Variants in WFDC10B observed in about 807,000 individuals in gnomAD.
The protein encoded by WFDC10B is protein WFDC10B.
In WFDC10B, 1 loss-of-function variant was observed where a neutral mutation model predicts 2.7. The observed-to-expected ratio is 0.38, with a 90% CI of 0.13 to 1.79. The LOEUF (loss-of-function observed/expected upper bound fraction) is 1.79. WFDC10B is among the 40% of genes most tolerant of loss of function. The probability of loss-of-function intolerance (pLI) is 0.33; values close to 1 mark genes in which losing one functional copy is unlikely to be tolerated. For synonymous variants in WFDC10B, 26 were observed against 32.2 expected, an observed-to-expected ratio of 0.81 and a Z score of 0.65; for missense variants, 71 against 87.8, an observed-to-expected ratio of 0.81 and a Z score of 0.76.
At chr20:45,704,377 T>G in intron 2 of WFDC10B, 120 bp downstream of exon 2, 2 of 1,542,832 alleles carry the variant, frequency 1.3e-6, no homozygotes, top group Non-Finnish European at 1.7e-6. Flanking sequence ...TTCCCTGGGC[T>G]TTCTGAGTTC....
At position 45,694,349 on chromosome 20, in the gene WFDC10B, T is replaced by A. The variant is rs543407426; in HGVS notation, c.-64-8293A>T. Among the ~76,000 whole-genome samples, 18 of 151,948 alleles carry A rather than the reference T, an allele frequency of 1.2e-4. No homozygotes were observed. The Middle Eastern group carries it at 0.017, about 144-fold the overall frequency. On this transcript the variant is annotated intron_variant, in intron 2 of 3. Coordinates refer to ENST00000330523, the MANE Select transcript of WFDC10B (RefSeq NM_172006.2). ...AGGCCCAGTTTCAATTTTCTGCATA[T>A]GGCAAATAGTAGCAAAAAGAGCTGT...
chr20:45,693,157 C>T (rs193130427), intron 2 of WFDC10B, among the ~76,000 whole-genome samples: 266 of 152,222 alleles, frequency 1.7e-3, no homozygotes, highest in African/African-American at 5.9e-3. Context: ...TCGTGAACCG[C>T]GAATGCTACT....
At chr20:45,701,612 A>C (rs1041513655) in intron 2 of WFDC10B, among the ~76,000 whole-genome samples, 1 of 151,986 alleles carries the variant, frequency 6.6e-6, no homozygotes, top group African/African-American at 2.4e-5. Flanking sequence ...AAATACAAAA[A>C]TTAGCTGGAC....
At chr20:45,687,808 G>C (rs1024275897) in intron 2 of WFDC10B, among the ~76,000 whole-genome samples, 3 of 151,706 alleles carry the variant, frequency 2.0e-5, no homozygotes, top group African/African-American at 7.3e-5. Context: ...CTCTTGAGAA[G>C]TGTCTGTTCA....
In WFDC10B at chr20:45,684,683, G is replaced by A; in HGVS notation, c.*147C>T. 1 of 1,083,658 alleles carries A rather than the reference G, an allele frequency of 9.2e-7. No homozygotes were observed. The highest frequency in any genetic ancestry group is 1.5e-5 in the South Asian group (1 of 65,730). The allele number at this position is 1,083,658 out of a possible 1,614,324, so 67.1% of individuals were successfully genotyped here. ...GCATTTGTTCTGGTTTATTTGACAG[G>A]GACAGGGAGTTCAGACACTGGGGAG... On this transcript the variant is annotated 3_prime_UTR_variant, in exon 4 of 4. Transcript: ENST00000330523.
intron 2 of WFDC10B, among the ~76,000 whole-genome samples, chr20:45,697,263 A>T (rs561013381): frequency 1.2e-3 from 177 of 152,356 alleles, no homozygotes; most frequent in Admixed American, 1.2e-3. Context: ...CTATGAAAGG[A>T]TAAAATACCT....
chr20:45,687,334 A>C (rs917366579), intron 2 of WFDC10B, among the ~76,000 whole-genome samples: 1 of 152,220 alleles, frequency 6.6e-6, no homozygotes, highest in Non-Finnish European at 1.5e-5. Flanking sequence ...CCTTGCAAAG[A>C]ACATGATCTC....
At chr20:45,702,562 A>G (rs1383179838) in intron 2 of WFDC10B, among the ~76,000 whole-genome samples, 2 of 152,218 alleles carry the variant, frequency 1.3e-5, no homozygotes, top group African/African-American at 2.4e-5. Flanking sequence ...TGGCTCCTTC[A>G]TGGATGCTTG....
chr20:45,698,178 G>T (rs1447829402), intron 2 of WFDC10B, among the ~76,000 whole-genome samples: 1 of 152,176 alleles, frequency 6.6e-6, no homozygotes, highest in Non-Finnish European at 1.5e-5. Context: ...AGAGTGCCTT[G>T]TTGGCTGTGT....
intron 2 of WFDC10B, chr20:45,702,294 C>A: frequency 7.3e-7 from 1 of 1,373,180 alleles, no homozygotes; most frequent in East Asian, 2.5e-5. Context: ...TGTCACACCT[C>A]TTGGAAAAAT....
intron 2 of WFDC10B, among the ~76,000 whole-genome samples, chr20:45,690,765 G>A (rs2145636398): frequency 6.6e-6 from 1 of 151,820 alleles, no homozygotes; most frequent in Non-Finnish European, 1.5e-5. Flanking sequence ...TATCAATTTT[G>A]TTGATCCTTT....
intron 2 of WFDC10B, among the ~76,000 whole-genome samples, chr20:45,702,817 G>T (rs1428211554): frequency 1.3e-5 from 2 of 152,224 alleles, no homozygotes; most frequent in African/African-American, 4.8e-5. Flanking sequence ...TCTGGCTCTA[G>T]TAATGTTGAC....
chr20:45,696,772 CAT>C (rs993755331), intron 2 of WFDC10B, among the ~76,000 whole-genome samples: 4 of 152,204 alleles, frequency 2.6e-5, no homozygotes, highest in South Asian at 2.1e-4. Flanking sequence ...GAAAAATACA[CAT>C]GACTCTCTTC....
At chr20:45,685,665 G>T (rs985283003) in intron 3 of WFDC10B, among the ~76,000 whole-genome samples, 1 of 152,188 alleles carries the variant, frequency 6.6e-6, no homozygotes, top group Non-Finnish European at 1.5e-5. Flanking sequence ...TTGTCTCTAA[G>T]TACTGGGAGC....
intron 2 of WFDC10B, among the ~76,000 whole-genome samples, chr20:45,688,933 G>A (rs1315151433): frequency 2.0e-5 from 3 of 151,862 alleles, no homozygotes; most frequent in Non-Finnish European, 4.4e-5. Context: ...TGTCCTGAAT[G>A]GTAATGCCTA....
intron 2 of WFDC10B, among the ~76,000 whole-genome samples, chr20:45,698,107 A>C (rs899439016): frequency 6.6e-6 from 1 of 152,110 alleles, no homozygotes; most frequent in Non-Finnish European, 1.5e-5. Context: ...CTGCCTTTTC[A>C]TTGTTGTACT....
intron 2 of WFDC10B, chr20:45,702,341 G>A: frequency 1.1e-6 from 1 of 950,940 alleles, no homozygotes; most frequent in Admixed American, 2.4e-5. Context: ...TTTATTGTTG[G>A]CAAGATCTAG....
At chr20:45,701,124 T>C (rs1984141140) in intron 2 of WFDC10B, among the ~76,000 whole-genome samples, 1 of 152,192 alleles carries the variant, frequency 6.6e-6, no homozygotes, top group South Asian at 2.1e-4. Flanking sequence ...AGTAGCCCAG[T>C]TGAGTTATTT....
chr20:45,692,490 G>C (rs1416604919), intron 2 of WFDC10B, among the ~76,000 whole-genome samples: 1 of 152,012 alleles, frequency 6.6e-6, no homozygotes, highest in Non-Finnish European at 1.5e-5. Context: ...ACGTAGATTT[G>C]GTCTTTTCAC....
Sources: allele counts gnomAD v4.1 joint callset (sites outside exome capture counted in the v4.1 genomes callset), GRCh38; gene constraint gnomAD v4.1.1; transcripts MANE v1.5; gene names NCBI Gene and HGNC (gene_info 2026-07-23, HGNC 2026-07-21).